HHLA2: variants seen among roughly 807,000 people sequenced by gnomAD.
HHLA2 encodes the protein HERV-H LTR-associating protein 2.
HHLA2 carries 48 observed loss-of-function variants against 45.9 expected under a neutral mutation model. The observed-to-expected ratio is 1.05, with a 90% CI of 0.83 to 1.33. The LOEUF (loss-of-function observed/expected upper bound fraction) is 1.33, where lower values mean the gene tolerates loss of function less well. Ranked by LOEUF, HHLA2 falls within the 40% of genes most tolerant of loss-of-function variation. HHLA2 has a pLI of 0.00. For missense variants in HHLA2, 462 were observed against 494.3 expected, an observed-to-expected ratio of 0.93 and a Z score of 0.62; for synonymous variants, 161 against 173.9, an observed-to-expected ratio of 0.93 and a Z score of 0.59.
intron 1 of HHLA2, among the ~76,000 whole-genome samples, chr3:108,303,715 G>T (rs2080884515): frequency 6.6e-6 from 1 of 151,970 alleles, no homozygotes; most frequent in Admixed American, 6.6e-5. Flanking sequence ...ACCTATTTTG[G>T]ATTATAGTGT....
chr3:108,327,591 C>G (rs745466733), intron 2 of HHLA2, among the ~76,000 whole-genome samples: 1 of 152,142 alleles, frequency 6.6e-6, no homozygotes, highest in Non-Finnish European at 1.5e-5. Context: ...TTAAATCAAT[C>G]TATTGTTGCT....
rs552113402 is a variant in HHLA2, at chr3:108,371,001, G to T, written c.1109-4749G>T. Among the ~76,000 whole-genome samples, 508 of 152,248 alleles carry T rather than the reference G, an allele frequency of 3.3e-3. 6 individuals are homozygous for T. Among genetic ancestry groups the T allele is most frequent in the African/African-American group, 0.012 (491 of 41,530 alleles). On this transcript the variant is annotated intron_variant, in intron 8 of 10. Coordinates refer to ENST00000619531, the Ensembl canonical transcript of HHLA2. ...ACGCCAGAAAGATACTCCTCGAGAA[G>T]AGCAACTCCAAGACACATAATTGGC...
intron 1 of HHLA2, among the ~76,000 whole-genome samples, chr3:108,307,902 T>C (rs1228057624): frequency 6.6e-6 from 1 of 152,188 alleles, no homozygotes; most frequent in Non-Finnish European, 1.5e-5. Flanking sequence ...AACAGGTATA[T>C]ATATGTATGA....
At chr3:108,307,062 G>A (rs1242194538) in intron 1 of HHLA2, among the ~76,000 whole-genome samples, 1 of 152,054 alleles carries the variant, frequency 6.6e-6, no homozygotes, top group Non-Finnish European at 1.5e-5. Context: ...CACCACGTTG[G>A]CCAGGCTGGT....
chr3:108,314,620 C>T (rs1204553335), intron 2 of HHLA2, among the ~76,000 whole-genome samples: 8 of 152,056 alleles, frequency 5.3e-5, no homozygotes, highest in Non-Finnish European at 8.8e-5. Context: ...GCTGAGAAGA[C>T]GGGAAGGTGA....
At chr3:108,306,503 T>C (rs1024046816) in intron 1 of HHLA2, among the ~76,000 whole-genome samples, 2 of 152,184 alleles carry the variant, frequency 1.3e-5, no homozygotes, top group African/African-American at 4.8e-5. Context: ...TCCCTCTCTC[T>C]CCCTCTGTGC....
chr3:108,339,361 G>A (rs962590748), intron 3 of HHLA2, among the ~76,000 whole-genome samples: 1 of 152,168 alleles, frequency 6.6e-6, no homozygotes, highest in African/African-American at 2.4e-5. Context: ...TTTCACAGTA[G>A]AGTGGTTAGT....
intron 10 of HHLA2, 121 bp downstream of exon 9, chr3:108,376,678 C>A: frequency 2.5e-6 from 2 of 795,850 alleles, no homozygotes; most frequent in Non-Finnish European, 2.0e-6. Flanking sequence ...AAAAAAACAG[C>A]AGCAGGGGTT....
intron 1 of HHLA2, among the ~76,000 whole-genome samples, chr3:108,307,213 C>T (rs2080944671): frequency 6.6e-6 from 1 of 152,154 alleles, no homozygotes; most frequent in Non-Finnish European, 1.5e-5. Context: ...TGATTAAATT[C>T]TCCTTAAAAC....
intron 2 of HHLA2, among the ~76,000 whole-genome samples, chr3:108,312,614 C>T (rs1430877174): frequency 2.0e-5 from 3 of 152,238 alleles, no homozygotes; most frequent in Admixed American, 2.0e-4. Context: ...AAGCTGGCCC[C>T]TTGCAGCAAG....
chr3:108,330,432 C>T (rs776036811), intron 3 of HHLA2, among the ~76,000 whole-genome samples: 90 of 152,110 alleles, frequency 5.9e-4, no homozygotes, highest in African/African-American at 2.0e-3. Context: ...TGCTTTAATA[C>T]GGTTACCTTT....
chr3:108,354,441 A>G (rs2081847073), intron 5 of HHLA2, among the ~76,000 whole-genome samples: 1 of 151,954 alleles, frequency 6.6e-6, no homozygotes, highest in Admixed American at 6.6e-5. Flanking sequence ...CCAAACAGGT[A>G]TTAGATTAAA....
At chr3:108,355,043 T>C in intron 5 of HHLA2, 72 bp from the exon 5 acceptor site, 1 of 1,435,342 alleles carries the variant, frequency 7.0e-7, no homozygotes, top group South Asian at 1.4e-5. Context: ...TATTAAAAAG[T>C]ATTCTGCACA....
intron 8 of HHLA2, among the ~76,000 whole-genome samples, chr3:108,375,056 A>G (rs1421215378): frequency 6.6e-6 from 1 of 150,388 alleles, no homozygotes; most frequent in East Asian, 1.9e-4. Context: ...CACTATTCAC[A>G]ATAGCAAAGA....
At position 108,375,725 on chromosome 3, in the gene HHLA2, A is replaced by G. The variant is rs868142447; in HGVS notation, c.1109-25A>G. The G allele has an allele frequency of 2.1e-5, 34 of 1,606,908 alleles. 1 individual carries two copies. In the Middle Eastern group the frequency reaches 5.3e-3, roughly 252 times the overall value. On this transcript the variant is annotated intron_variant, in intron 8 of 10. Transcript: ENST00000619531. ...GCTGGGAGAGTAAATACCTAATTTCACTCTTCCCTGTCTCTGATCTACAGC... is the reference window on the plus strand; with the variant it reads ...GCTGGGAGAGTAAATACCTAATTTCGCTCTTCCCTGTCTCTGATCTACAGC...
chr3:108,362,506 A>T (rs1308169887), intron 8 of HHLA2, 60 bp downstream of exon 7: 49 of 1,065,754 alleles, frequency 4.6e-5, no homozygotes, highest in Non-Finnish European at 6.8e-5. Context: ...TAAAGATAAC[A>T]TGGAAATACA....
intron 8 of HHLA2, among the ~76,000 whole-genome samples, chr3:108,362,707 T>C (rs2107485811): frequency 6.6e-6 from 1 of 152,334 alleles, no homozygotes; most frequent in African/African-American, 2.4e-5. Flanking sequence ...CACACTGCTA[T>C]TGCCTTTAGG....
chr3:108,358,356 A>G (rs1005253643), intron 7 of HHLA2, among the ~76,000 whole-genome samples, 195 bp downstream of exon 6: 1 of 152,150 alleles, frequency 6.6e-6, no homozygotes, highest in Non-Finnish European at 1.5e-5. Flanking sequence ...TTTGAAAAAA[A>G]AAATTACTCC....
intron 3 of HHLA2, among the ~76,000 whole-genome samples, chr3:108,351,207 G>T (rs1213557757): frequency 2.0e-5 from 3 of 152,102 alleles, no homozygotes; most frequent in Non-Finnish European, 4.4e-5. Context: ...TGTAACCCAT[G>T]AATTTAATGG....
Sources: gnomAD v4.1 joint callset for allele counts (sites outside exome capture counted in the v4.1 genomes callset) on GRCh38, gnomAD v4.1.1 for gene constraint, MANE v1.5 for transcripts, NCBI Gene and HGNC (gene_info 2026-07-23, HGNC 2026-07-21) for gene names.